DNAH12: variants seen among roughly 807,000 people sequenced by gnomAD.
DNAH12 encodes dynein axonemal heavy chain 12.
A neutral mutation model predicts 371.5 loss-of-function variants in DNAH12; 285 were observed. That is an observed-to-expected ratio of 0.77 (90% CI 0.70 to 0.85). DNAH12 has a LOEUF of 0.85. DNAH12 is among the 40% of genes least tolerant of loss of function. DNAH12 has a pLI of 0.00. For missense variants in DNAH12, 3,611 were observed against 3,689.4 expected, an observed-to-expected ratio of 0.98 and a Z score of 0.55; for synonymous variants, 1,200 against 1,213.0, an observed-to-expected ratio of 0.99 and a Z score of 0.22.
chr3:57,483,011 T>C (rs1575665395), intron 13 of DNAH12, among the ~76,000 whole-genome samples: 1 of 151,138 alleles, frequency 6.6e-6, no homozygotes, highest in African/African-American at 2.4e-5. Flanking sequence ...ACATGACACA[T>C]GTATACATAT....
At position 57,403,499 on chromosome 3, in the gene DNAH12, T is replaced by C. The variant is rs1031269410; in HGVS notation, c.6758A>G (p.Tyr2253Cys). The C allele has an allele frequency of 2.7e-5, 41 of 1,538,632 alleles. No individual in the cohort carries two copies. The highest frequency in any genetic ancestry group is 1.7e-4 in the Middle Eastern group (1 of 5,910). The change falls in exon 43 of 74, where the codon TAT (tyrosine) becomes TGT (cysteine). Residue 2253 changes from tyrosine (Y) to cysteine (C), a missense_variant and splice_region_variant. Physicochemically the swap from Tyr to Cys is radical, Grantham distance 194. Coordinates refer to ENST00000495027, the MANE Select transcript of DNAH12 (RefSeq NM_001366028.2). ...KTRMNLVIFRYVLEHLSRICR... is the reference protein window; with the variant it reads ...KTRMNLVIFRCVLEHLSRICR... Reference sequence around the variant, plus strand: ...TATTCTTGATAAATGTTCCAAAACATACCTACCACAAAAGAAAAATTTTAT... The same window carrying C: ...TATTCTTGATAAATGTTCCAAAACACACCTACCACAAAAGAAAAATTTTAT...
At position 57,370,914 on chromosome 3, in the gene DNAH12, C is replaced by T. The variant is rs1008037902; in HGVS notation, c.8760-2654G>A. Among the ~76,000 whole-genome samples the T allele has an allele frequency of 3.3e-5, 5 of 152,160 alleles. No individual in the cohort carries two copies. In the East Asian group the frequency reaches 9.7e-4, roughly 29 times the overall value. ...GCATGAAGCTGAAACTCACAAAAGGCTTAATGAAGTCACTGACAGAAAAAT... is the reference window on the plus strand; with the variant it reads ...GCATGAAGCTGAAACTCACAAAAGGTTTAATGAAGTCACTGACAGAAAAAT... On this transcript the variant is annotated intron_variant, in intron 55 of 73. Coordinates refer to ENST00000495027, the MANE Select transcript of DNAH12 (RefSeq NM_001366028.2).
At chr3:57,421,900 G>GTTTTTTTTTTT (rs1383551758) in intron 35 of DNAH12, among the ~76,000 whole-genome samples, 194 bp from the exon 36 acceptor site, 1 of 97,716 alleles carries the variant, frequency 1.0e-5, no homozygotes, top group African/African-American at 6.1e-5. Flanking sequence ...ATGTTTGCAT[G>GTTTTTTTTTTT]TCTTTTTTTT....
the DNAH12 span, among the ~76,000 whole-genome samples, chr3:57,551,176 T>A: frequency 6.6e-6 from 1 of 151,940 alleles, no homozygotes; most frequent in Non-Finnish European, 1.5e-5. Context: ...AAAACAAAAA[T>A]TTTTAAACAA....
intron 17 of DNAH12, among the ~76,000 whole-genome samples, chr3:57,468,496 C>T (rs774218407): frequency 2.0e-5 from 3 of 152,118 alleles, no homozygotes; most frequent in Non-Finnish European, 2.9e-5. Context: ...ACACCTGTAG[C>T]ACCAGCTACT....
intron 43 of DNAH12, among the ~76,000 whole-genome samples, chr3:57,395,069 A>G (rs1391664374): frequency 6.6e-6 from 1 of 152,180 alleles, no homozygotes. Flanking sequence ...AGGGAGGTAA[A>G]TGCGTAAATA....
chr3:57,483,099 GAAA>G (rs57454657), intron 13 of DNAH12, among the ~76,000 whole-genome samples: 2,387 of 135,524 alleles, frequency 0.018, 38 homozygotes, highest in African/African-American at 0.055. Flanking sequence ...GTGCAACATT[GAAA>G]AAAAAAAAAA....
At chr3:57,328,465 G>A (rs1227004638) in intron 62 of DNAH12, among the ~76,000 whole-genome samples, 12 of 143,970 alleles carry the variant, frequency 8.3e-5, no homozygotes, top group African/African-American at 3.1e-4. Flanking sequence ...AAAACCACAT[G>A]ATTATCTCAA....
chr3:57,317,992 A>G (rs2061723731), intron 65 of DNAH12, among the ~76,000 whole-genome samples: 1 of 152,078 alleles, frequency 6.6e-6, no homozygotes, highest in Non-Finnish European at 1.5e-5. Context: ...TCAAACCTTT[A>G]GCCCATTTTT....
In DNAH12 at chr3:57,509,064, T is replaced by C. The variant is rs1433472204; in HGVS notation, c.542+76A>G. 4 of 1,277,680 alleles carry C rather than the reference T, an allele frequency of 3.1e-6. No individual in the cohort carries two copies. The African/African-American group carries it at 4.5e-5, about 14-fold the overall frequency. The allele number at this position is 1,277,680 out of a possible 1,614,324, so 79.1% of individuals were successfully genotyped here. ...ACCTTTGAGCATCACAATTGTATAC[T>C]TGAAGGTAAGATCAGTTTATTTTTT... On this transcript the variant is annotated intron_variant, in intron 6 of 73. Coordinates refer to ENST00000495027, the MANE Select transcript of DNAH12 (RefSeq NM_001366028.2).
At chr3:57,420,695 G>A (rs564586912) in intron 36 of DNAH12, among the ~76,000 whole-genome samples, 3 of 151,926 alleles carry the variant, frequency 2.0e-5, no homozygotes, top group Non-Finnish European at 4.4e-5. Flanking sequence ...GGATCACGAG[G>A]TCAGGAGACT....
At chr3:57,402,506 G>T (rs2063901699) in intron 43 of DNAH12, 2 of 1,113,958 alleles carry the variant, frequency 1.8e-6, no homozygotes, top group Non-Finnish European at 2.4e-6. Context: ...GGTTAAATCT[G>T]CTAGAAACCA....
chr3:57,428,873 T>C lies in DNAH12; in HGVS notation c.5065-52A>G, dbSNP rs574357509. Reference sequence around the variant, plus strand: ...CTGTTGTTTTTATACCAGTGGCACCTGGCAATTATCAACTATTTCTTAAGA... The same window carrying C: ...CTGTTGTTTTTATACCAGTGGCACCCGGCAATTATCAACTATTTCTTAAGA... On this transcript the variant is annotated intron_variant, in intron 33 of 73. Coordinates refer to ENST00000495027, the MANE Select transcript of DNAH12 (RefSeq NM_001366028.2). 8.1e-5 allele frequency: 118 copies of C among 1,450,992 alleles called. No homozygotes were observed. In the African/African-American group the frequency reaches 1.6e-3, roughly 20 times the overall value. 89.9% of individuals were successfully genotyped at this position (1,450,992 alleles called of 1,614,324 possible).
intron 65 of DNAH12, among the ~76,000 whole-genome samples, chr3:57,316,825 C>CCA (rs1218165270): frequency 6.6e-6 from 1 of 152,190 alleles, no homozygotes; most frequent in African/African-American, 2.4e-5. Context: ...CCCTCACCTT[C>CCA]CACCATGATT....
At chr3:57,322,034 C>T (rs1453496098) in intron 65 of DNAH12, among the ~76,000 whole-genome samples, 2 of 152,108 alleles carry the variant, frequency 1.3e-5, no homozygotes, top group Non-Finnish European at 2.9e-5. Flanking sequence ...GAAAAAGAAT[C>T]AACAATGGGA....
intron 11 of DNAH12, among the ~76,000 whole-genome samples, chr3:57,496,786 T>C (rs2317655): frequency 0.67 from 101,628 of 151,946 alleles, 34,226 homozygotes; most frequent in South Asian, 0.75. Context: ...CTGGCCAACA[T>C]GGCAAAACCC....
rs749356562 is a variant in DNAH12, at chr3:57,504,009, G to C, written c.1086+7C>G. ...AAATTCTTTCCCGATGGGTAAAGAT[G>C]TAATACCTGCAGAGCTTCGGCTATT... On this transcript the variant is annotated splice_region_variant and intron_variant, in intron 9 of 73. Transcript: ENST00000495027. 8.7e-6 allele frequency: 14 copies of C among 1,608,320 alleles called. No homozygotes were observed. The South Asian group carries it at 1.5e-4, about 18-fold the overall frequency.
intron 55 of DNAH12, among the ~76,000 whole-genome samples, chr3:57,374,061 T>C (rs1448171139): frequency 3.3e-5 from 5 of 152,218 alleles, no homozygotes; most frequent in Non-Finnish European, 5.9e-5. Context: ...ATTTCCATTA[T>C]GGTTTTAAAG....
At chr3:57,404,200 T>C (rs1477836948) in intron 42 of DNAH12, among the ~76,000 whole-genome samples, 1 of 152,196 alleles carries the variant, frequency 6.6e-6, no homozygotes, top group East Asian at 1.9e-4. Flanking sequence ...AGAAGTCACC[T>C]AAAATTTGTC....
Sources: allele counts gnomAD v4.1 joint callset (sites outside exome capture counted in the v4.1 genomes callset), GRCh38; gene constraint gnomAD v4.1.1; transcripts MANE v1.5; gene names NCBI Gene and HGNC (gene_info 2026-07-23, HGNC 2026-07-21).